Variants in MPP7 observed in about 807,000 individuals in gnomAD.
MPP7 encodes MAGUK p55 scaffold protein 7.
In MPP7, 60 loss-of-function variants were observed where a neutral mutation model predicts 76.5. That is an observed-to-expected ratio of 0.78 (90% CI 0.64 to 0.97). MPP7 has a LOEUF of 0.97. Among genes scored for constraint, MPP7 ranks in the 50% least tolerant of loss-of-function variants. MPP7 has a pLI of 0.00. For missense variants in MPP7, 641 were observed against 694.0 expected (o/e 0.92, Z 0.86); for synonymous variants, 237 against 244.5 (o/e 0.97, Z 0.29).
intron 2 of MPP7, among the ~76,000 whole-genome samples, chr10:28,236,173 G>A (rs1177105824): frequency 6.6e-6 from 1 of 152,070 alleles, no homozygotes; most frequent in Non-Finnish European, 1.5e-5. Flanking sequence ...CCACTCTGGA[G>A]GACAATTTGA....
At chr10:28,165,535 GA>G (rs11366770) in intron 3 of MPP7, among the ~76,000 whole-genome samples, 120,838 of 135,748 alleles carry the variant, frequency 0.89, 53,535 homozygotes, top group South Asian at 0.94. Context: ...CTAAGAAAAG[GA>G]AAAAAAAAAA....
At chr10:28,176,964 C>T (rs1381264722) in intron 3 of MPP7, among the ~76,000 whole-genome samples, 2 of 148,660 alleles carry the variant, frequency 1.3e-5, no homozygotes, top group Non-Finnish European at 3.0e-5. Flanking sequence ...CAACATGGCA[C>T]ATGTATACAT....
intron 1 of MPP7, among the ~76,000 whole-genome samples, chr10:28,292,357 T>C (rs1055560281): frequency 3.4e-5 from 5 of 148,614 alleles, no homozygotes; most frequent in African/African-American, 5.0e-5. Context: ...AAATAAACAA[T>C]AGAAAATACA....
intron 13 of MPP7, among the ~76,000 whole-genome samples, chr10:28,064,670 T>TA (rs1851922709): frequency 6.6e-6 from 1 of 152,234 alleles, no homozygotes; most frequent in African/African-American, 2.4e-5. Flanking sequence ...AATGAATTTA[T>TA]AAAATCCAAC....
intron 11 of MPP7, among the ~76,000 whole-genome samples, chr10:28,115,531 T>C (rs1834640171): frequency 6.6e-6 from 1 of 152,260 alleles, no homozygotes; most frequent in African/African-American, 2.4e-5. Context: ...TGTTTGTTTC[T>C]GAATTAACTT....
chr10:28,217,745 T>A (rs917282825), intron 2 of MPP7, among the ~76,000 whole-genome samples: 3 of 152,064 alleles, frequency 2.0e-5, no homozygotes, highest in Non-Finnish European at 4.4e-5. Flanking sequence ...CATATTTTCT[T>A]CCTAAAAAGA....
chr10:28,170,785 G>T (rs529733837), intron 3 of MPP7, among the ~76,000 whole-genome samples: 1 of 151,858 alleles, frequency 6.6e-6, no homozygotes, highest in East Asian at 1.9e-4. Flanking sequence ...TGAATCTGTC[G>T]GTTTCTTCCC....
At chr10:28,099,815 A>T (rs545432099) in intron 11 of MPP7, among the ~76,000 whole-genome samples, 3 of 152,240 alleles carry the variant, frequency 2.0e-5, no homozygotes, top group African/African-American at 7.2e-5. Context: ...CTCCCAAAAA[A>T]AAAAATAAAT....
chr10:28,140,274 G>C (rs1835472684), intron 5 of MPP7, among the ~76,000 whole-genome samples: 2 of 152,172 alleles, frequency 1.3e-5, no homozygotes, highest in South Asian at 4.1e-4. Flanking sequence ...ACTTTGGTAG[G>C]CTGGGGCAGG....
At chr10:28,323,175 C>G (rs1342378529) in intron 2 of MPP7, among the ~76,000 whole-genome samples, 1 of 152,104 alleles carries the variant, frequency 6.6e-6, no homozygotes, top group Admixed American at 6.5e-5. Flanking sequence ...GTCCCAGCTA[C>G]TCAGGAGGCT....
At chr10:28,274,093 A>ATT (rs1167817342) in intron 1 of MPP7, among the ~76,000 whole-genome samples, 1 of 143,096 alleles carries the variant, frequency 7.0e-6, no homozygotes, top group African/African-American at 2.7e-5. Flanking sequence ...GTAAAATAAA[A>ATT]TTTTTTTCTT....
intron 12 of MPP7, among the ~76,000 whole-genome samples, chr10:28,070,146 C>T (rs1852170971): frequency 6.6e-6 from 1 of 152,124 alleles, no homozygotes; most frequent in Non-Finnish European, 1.5e-5. Flanking sequence ...GCCTGTAATT[C>T]CAGCACTTTG....
intron 1 of MPP7, among the ~76,000 whole-genome samples, chr10:28,291,146 C>T (rs1409516340): frequency 3.3e-5 from 5 of 152,142 alleles, no homozygotes; most frequent in African/African-American, 1.2e-4. Context: ...ATTTAGTGAA[C>T]ATCTACTAAC....
intron 3 of MPP7, among the ~76,000 whole-genome samples, chr10:28,168,489 G>A (rs1340002896): frequency 2.0e-5 from 3 of 151,638 alleles, no homozygotes; most frequent in Non-Finnish European, 4.4e-5. Flanking sequence ...CAATTTTTAT[G>A]GTAAGTCGAA....
intron 2 of MPP7, among the ~76,000 whole-genome samples, chr10:28,313,830 G>A (rs1841303870): frequency 6.7e-6 from 1 of 149,228 alleles, no homozygotes; most frequent in Admixed American, 6.7e-5. Context: ...AGGACTGCAG[G>A]TGTGTGCCAC....
intron 2 of MPP7, among the ~76,000 whole-genome samples, chr10:28,328,189 T>C: frequency 6.6e-6 from 1 of 152,292 alleles, no homozygotes. Flanking sequence ...AAAATAAAAA[T>C]CTAATTACAA....
intron 6 of MPP7, 112 bp downstream of exon 6, chr10:28,131,448 T>C (rs1835188765): frequency 1.0e-6 from 1 of 956,850 alleles, no homozygotes; most frequent in Non-Finnish European, 1.4e-6. Flanking sequence ...GTTCCATTTC[T>C]TTTAAAGTTT....
intron 5 of MPP7, 75 bp downstream of exon 5, chr10:28,147,408 G>A (rs541988161): frequency 8.4e-6 from 10 of 1,191,224 alleles, no homozygotes; most frequent in African/African-American, 6.0e-5. Flanking sequence ...ATTGATGCTC[G>A]AAACAAAATT....
At chr10:28,216,715 T>C (rs1175311584) in intron 2 of MPP7, among the ~76,000 whole-genome samples, 1 of 152,156 alleles carries the variant, frequency 6.6e-6, no homozygotes, top group Non-Finnish European at 1.5e-5. Flanking sequence ...ATTGAAACAA[T>C]TATTACTCAG....
Sources: gnomAD v4.1 joint callset for allele counts (sites outside exome capture counted in the v4.1 genomes callset) on GRCh38, gnomAD v4.1.1 for gene constraint, MANE v1.5 for transcripts, NCBI Gene and HGNC (gene_info 2026-07-23, HGNC 2026-07-21) for gene names.